The following NOX4 variants were observed in gnomAD, a reference collection of about 807,000 sequenced individuals.
NOX4 encodes the protein kidney oxidase-1.
NOX4 carries 69 observed loss-of-function variants against 87.6 expected under a neutral mutation model. The ratio of observed to expected loss-of-function variants is 0.79; its 90% confidence interval spans 0.65 to 0.96. The LOEUF is 0.96. NOX4 is among the 40% of genes least tolerant of loss of function. The pLI, the probability that NOX4 is intolerant of heterozygous loss-of-function variation, is 0.00. For synonymous variants in NOX4, 275 were observed against 238.2 expected, an observed-to-expected ratio of 1.15 and a Z score of -1.42; for missense variants, 680 against 681.5, an observed-to-expected ratio of 1.00 and a Z score of 0.02.
chr11:89,457,260 C>G (rs553020346), intron 2 of NOX4, among the ~76,000 whole-genome samples: 2 of 152,186 alleles, frequency 1.3e-5, no homozygotes, highest in Non-Finnish European at 2.9e-5. Context: ...CTGTCCAAAC[C>G]CTTGCTGATG....
At chr11:89,556,349 CT>C in the NOX4 span, among the ~76,000 whole-genome samples, 1 of 152,060 alleles carries the variant, frequency 6.6e-6, no homozygotes, top group Non-Finnish European at 1.5e-5. Context: ...ATGGCGAAAC[CT>C]CATCTCTACT....
At chr11:89,328,643 A>G (rs1945316631) in intron 17 of NOX4, among the ~76,000 whole-genome samples, 1 of 152,144 alleles carries the variant, frequency 6.6e-6, no homozygotes, top group Admixed American at 6.6e-5. Flanking sequence ...GAAAGTATGA[A>G]CTATAACTAA....
At chr11:89,422,795 ATTTT>A (rs147956211) in intron 7 of NOX4, among the ~76,000 whole-genome samples, 1 of 110,972 alleles carries the variant, frequency 9.0e-6, no homozygotes. Context: ...CAAAGTTCTG[ATTTT>A]TTTTTTTTTT....
intron 11 of NOX4, among the ~76,000 whole-genome samples, chr11:89,384,967 C>T (rs1940585674): frequency 6.6e-6 from 1 of 152,140 alleles, no homozygotes; most frequent in East Asian, 1.9e-4. Flanking sequence ...TTATCGATGG[C>T]AGTTCCACCA....
intron 2 of NOX4, among the ~76,000 whole-genome samples, chr11:89,476,514 C>A (rs1333797859): frequency 6.6e-6 from 1 of 151,914 alleles, no homozygotes; most frequent in African/African-American, 2.4e-5. Context: ...TCACATTTAT[C>A]CTAATCTGAC....
chr11:89,493,353 C>G (rs1372750038), upstream of NOX4, among the ~76,000 whole-genome samples: 1 of 150,458 alleles, frequency 6.6e-6, no homozygotes, highest in Non-Finnish European at 1.5e-5. Flanking sequence ...CCACTGCACC[C>G]AACCCAGCCT....
upstream of NOX4, among the ~76,000 whole-genome samples, chr11:89,493,721 T>TTTTTTATTA (rs372046431): frequency 0.026 from 3,713 of 142,242 alleles, 68 homozygotes; most frequent in Non-Finnish European, 0.039. Flanking sequence ...GCCAGATTGT[T>TTTTTTATTA]TTATTATTAT....
intron 17 of NOX4, among the ~76,000 whole-genome samples, chr11:89,328,703 C>T (rs565167652): frequency 8.5e-5 from 13 of 152,080 alleles, no homozygotes; most frequent in Non-Finnish European, 1.8e-4. Flanking sequence ...GGTTGAAGTT[C>T]TAATCCTCAG....
chr11:89,352,165 T>C (rs187540823), intron 13 of NOX4, among the ~76,000 whole-genome samples: 45 of 152,276 alleles, frequency 3.0e-4, no homozygotes, highest in African/African-American at 9.9e-4. Context: ...GCATACAATG[T>C]ATGTTATTCT....
chr11:89,479,887 C>A lies in NOX4; in HGVS notation c.153+10571G>T, dbSNP rs994695900. 7.9e-5 allele frequency among the ~76,000 whole-genome samples: 12 copies of A among 152,250 alleles called. 1 individual carries two copies. Among genetic ancestry groups the A allele is most frequent in the African/African-American group, 2.4e-4 (10 of 41,568 alleles). On this transcript the variant is annotated intron_variant, in intron 2 of 17. Coordinates refer to ENST00000263317, the MANE Select transcript of NOX4 (RefSeq NM_016931.5). ...TCTAGGAATCACATAGACTCACTCACTACCTGTGTAATTTGCTCTTTCAGT... is the reference window on the plus strand; with the variant it reads ...TCTAGGAATCACATAGACTCACTCAATACCTGTGTAATTTGCTCTTTCAGT...
At chr11:89,450,726 C>G (rs1944920928) in intron 3 of NOX4, among the ~76,000 whole-genome samples, 1 of 142,034 alleles carries the variant, frequency 7.0e-6, no homozygotes, top group African/African-American at 2.6e-5. Context: ...TCCCCCCTCC[C>G]CCTGACATCA....
chr11:89,538,720 AT>A, the NOX4 span, among the ~76,000 whole-genome samples: 50,662 of 147,870 alleles, frequency 0.34, 8,648 homozygotes, highest in Middle Eastern at 0.41. Context: ...ACACCCCACT[AT>A]TTTTTTTTTT....
the NOX4 span, among the ~76,000 whole-genome samples, chr11:89,561,823 A>T: frequency 6.6e-6 from 1 of 152,184 alleles, no homozygotes; most frequent in Admixed American, 6.6e-5. Context: ...ATACTGTGGA[A>T]AAAAGGGGAG....
chr11:89,479,713 A>C (rs1228349520), intron 2 of NOX4, among the ~76,000 whole-genome samples: 1 of 152,172 alleles, frequency 6.6e-6, no homozygotes, highest in Non-Finnish European at 1.5e-5. Context: ...CACAATTTCT[A>C]CTGATTGAGC....
At chr11:89,503,467 T>C in the NOX4 span, among the ~76,000 whole-genome samples, 1 of 151,952 alleles carries the variant, frequency 6.6e-6, no homozygotes, top group Non-Finnish European at 1.5e-5. Flanking sequence ...CGTTCTACTA[T>C]TGATGATCAA....
chr11:89,436,014 G>T (rs1274466208), intron 6 of NOX4, among the ~76,000 whole-genome samples: 1 of 152,162 alleles, frequency 6.6e-6, no homozygotes, highest in African/African-American at 2.4e-5. Flanking sequence ...TGATCAAAAA[G>T]TCAGGGGTAA....
chr11:89,415,247 G>A (rs1467378829), intron 8 of NOX4, among the ~76,000 whole-genome samples: 2 of 151,924 alleles, frequency 1.3e-5, no homozygotes, highest in African/African-American at 4.8e-5. Context: ...GAATTATTAT[G>A]AACAGTATAA....
the NOX4 span, among the ~76,000 whole-genome samples, chr11:89,553,634 G>C: frequency 6.6e-6 from 1 of 151,928 alleles, no homozygotes; most frequent in Non-Finnish European, 1.5e-5. Flanking sequence ...ATTCATTATT[G>C]AATAAGAATT....
chr11:89,551,887 C>T, the NOX4 span, among the ~76,000 whole-genome samples: 4 of 151,960 alleles, frequency 2.6e-5, no homozygotes, highest in African/African-American at 7.2e-5. Flanking sequence ...AAAAGGAATG[C>T]TTCCAGCTTT....
Sources: allele counts gnomAD v4.1 joint callset (sites outside exome capture counted in the v4.1 genomes callset), GRCh38; gene constraint gnomAD v4.1.1; transcripts MANE v1.5; gene names NCBI Gene and HGNC (gene_info 2026-07-23, HGNC 2026-07-21).